The following ANKRD30B variants were observed in gnomAD, a reference collection of about 807,000 sequenced individuals.
The protein encoded by ANKRD30B is ankyrin repeat domain 30B.
In ANKRD30B, 144 loss-of-function variants were observed where a neutral mutation model predicts 202.2. That is an observed-to-expected ratio of 0.71 (90% CI 0.62 to 0.82). ANKRD30B has a LOEUF of 0.82. ANKRD30B is among the 40% of genes least tolerant of loss of function. ANKRD30B has a pLI of 0.00. For missense variants in ANKRD30B, 1,487 were observed against 1,669.1 expected (o/e 0.89, Z 1.90); for synonymous variants, 508 against 561.3 (o/e 0.91, Z 1.34).
Position 14,837,637 on chromosome 18 carries a change from A to G in ANKRD30B, c.2949A>G (p.Leu983=), listed in dbSNP as rs761409178. 2 of 1,537,534 alleles carry G rather than the reference A, an allele frequency of 1.3e-6. No individual in the cohort carries two copies. Among genetic ancestry groups the G allele is most frequent in the Middle Eastern group, 1.7e-4 (1 of 5,892 alleles). Residue 983 remains leucine, a synonymous_variant, in exon 36 of 44, where the codon TTA becomes TTG. Transcript: ENST00000690538. ...TAGATAAGATGCCCACATCAGAATT[A>G]GGAAGAAAAGAAGATACAAAATCAA... The part of the protein sequence containing the change: ...DQTNKMPTSE[L]GRKEDTKSTS...
chr18:14,768,808 C>G (rs1157191000), intron 7 of ANKRD30B, among the ~76,000 whole-genome samples: 2 of 152,150 alleles, frequency 1.3e-5, no homozygotes, highest in Non-Finnish European at 2.9e-5. Flanking sequence ...TTGACACTGT[C>G]CACTTACACT....
the ANKRD30B span, among the ~76,000 whole-genome samples, chr18:14,919,753 C>T: frequency 6.6e-6 from 1 of 152,332 alleles, no homozygotes; most frequent in East Asian, 1.9e-4. Flanking sequence ...CTGGCCCCAC[C>T]CTGCTGGCCA....
the ANKRD30B span, among the ~76,000 whole-genome samples, chr18:14,906,381 T>A: frequency 9.2e-5 from 14 of 152,306 alleles, no homozygotes; most frequent in African/African-American, 3.4e-4. Context: ...AATGACTCTC[T>A]ACCAATCTCA....
At chr18:14,922,382 G>A in the ANKRD30B span, among the ~76,000 whole-genome samples, 84 of 152,254 alleles carry the variant, frequency 5.5e-4, no homozygotes, top group Non-Finnish European at 1.8e-4. Context: ...ACGGCTGGGC[G>A]TGGTGGCTCA....
chr18:14,875,929 A>G, the ANKRD30B span, among the ~76,000 whole-genome samples: 1 of 152,100 alleles, frequency 6.6e-6, no homozygotes, highest in African/African-American at 2.4e-5. Context: ...GTGCTAACAC[A>G]ATCCCTGCTA....
chr18:14,749,869 T>C (rs1193571764), intron 1 of ANKRD30B, among the ~76,000 whole-genome samples: 4 of 151,754 alleles, frequency 2.6e-5, no homozygotes, highest in Non-Finnish European at 5.9e-5. Flanking sequence ...GGAATATGAA[T>C]TATTAGGAAA....
At chr18:14,933,688 A>T in the ANKRD30B span, among the ~76,000 whole-genome samples, 1 of 151,888 alleles carries the variant, frequency 6.6e-6, no homozygotes, top group Non-Finnish European at 1.5e-5. Flanking sequence ...GAAGGGCAGG[A>T]AAGGAAAGGG....
the ANKRD30B span, among the ~76,000 whole-genome samples, chr18:14,886,133 G>C: frequency 6.6e-6 from 1 of 151,706 alleles, no homozygotes; most frequent in South Asian, 2.1e-4. Flanking sequence ...GTGTACAAAT[G>C]TGAAGGCTAT....
chr18:14,822,906 T>A (rs954582353), intron 32 of ANKRD30B, among the ~76,000 whole-genome samples: 4 of 124,528 alleles, frequency 3.2e-5, no homozygotes, highest in African/African-American at 1.2e-4. Flanking sequence ...TTCTTTAATA[T>A]CCTGATACTA....
the ANKRD30B span, among the ~76,000 whole-genome samples, chr18:14,914,991 A>T: frequency 1.3e-5 from 2 of 152,212 alleles, no homozygotes; most frequent in Non-Finnish European, 2.9e-5. Context: ...AAGCAGGCTT[A>T]GGATCCAGTT....
At chr18:14,797,275 A>G (rs1416007992) in intron 18 of ANKRD30B, among the ~76,000 whole-genome samples, 2 of 152,118 alleles carry the variant, frequency 1.3e-5, no homozygotes, top group East Asian at 3.9e-4. Context: ...CTATGAACAT[A>G]TGCCTTTCTG....
the ANKRD30B span, among the ~76,000 whole-genome samples, chr18:14,895,873 A>C: frequency 1.3e-5 from 2 of 152,194 alleles, no homozygotes; most frequent in Non-Finnish European, 2.9e-5. Context: ...GGAGAGGAGA[A>C]AAAGGATGAA....
chr18:14,837,076 T>C (rs535191068), intron 34 of ANKRD30B, 135 bp from the exon 35 acceptor site: 1 of 589,820 alleles, frequency 1.7e-6, no homozygotes, highest in African/African-American at 1.9e-5. Flanking sequence ...TGCCTATGAT[T>C]TGACAGATAC....
the ANKRD30B span, among the ~76,000 whole-genome samples, chr18:14,864,337 AAAACCAAACCAAACC>A: frequency 6.6e-6 from 1 of 152,142 alleles, no homozygotes; most frequent in Admixed American, 6.5e-5. Context: ...TCCGTCTCAA[AAAACCAAACCAAACC>A]AAACCAAACC....
the ANKRD30B span, chr18:14,903,685 A>T: frequency 6.6e-6 from 1 of 152,310 alleles, no homozygotes; most frequent in East Asian, 1.9e-4. Context: ...TGCACGTTAC[A>T]TCAGGGACCA....
chr18:14,806,957 C>T (rs1969561138), intron 24 of ANKRD30B, among the ~76,000 whole-genome samples: 1 of 150,892 alleles, frequency 6.6e-6, no homozygotes, highest in Admixed American at 6.6e-5. Flanking sequence ...CGAGAACGAC[C>T]TTCTCATCGT....
chr18:14,918,569 G>C, the ANKRD30B span, among the ~76,000 whole-genome samples: 6 of 152,074 alleles, frequency 3.9e-5, no homozygotes, highest in Non-Finnish European at 8.8e-5. Flanking sequence ...CCAGGCTCTA[G>C]GGATGTATGT....
chr18:14,796,142 C>T, intron 16 of ANKRD30B, 79 bp from the exon 17 acceptor site: 1 of 1,385,466 alleles, frequency 7.2e-7, no homozygotes, highest in Non-Finnish European at 1.0e-6. Flanking sequence ...GATTCATCTT[C>T]ATATTCACAT....
At chr18:14,885,683 A>C in the ANKRD30B span, among the ~76,000 whole-genome samples, 1 of 151,984 alleles carries the variant, frequency 6.6e-6, no homozygotes, top group African/African-American at 2.4e-5. Flanking sequence ...AAACTCTATG[A>C]GATAGAAACC....
Sources: gnomAD v4.1 joint callset for allele counts (sites outside exome capture counted in the v4.1 genomes callset) on GRCh38, gnomAD v4.1.1 for gene constraint, MANE v1.5 for transcripts, NCBI Gene and HGNC (gene_info 2026-07-23, HGNC 2026-07-21) for gene names.